The following FARP1 variants were observed in gnomAD, a reference collection of about 807,000 sequenced individuals.
The protein encoded by FARP1 is FERM, ARH/RhoGEF and pleckstrin domain protein 1.
In FARP1, 52 loss-of-function variants were observed where a neutral mutation model predicts 128.8. The ratio of observed to expected loss-of-function variants is 0.40; its 90% CI spans 0.32 to 0.51. FARP1 has a LOEUF of 0.51. FARP1 is among the 20% of genes least tolerant of loss of function. FARP1 has a pLI of 0.45. For missense variants in FARP1, 1,333 were observed against 1,367.9 expected (o/e 0.97, Z 0.40); for synonymous variants, 580 against 551.8 (o/e 1.05, Z -0.72).
At chr13:98,422,984 C>A (rs992046159) in intron 16 of FARP1, among the ~76,000 whole-genome samples, 2 of 152,166 alleles carry the variant, frequency 1.3e-5, no homozygotes, top group African/African-American at 2.4e-5. Context: ...AGGCTGTCTG[C>A]AAGCTGAGGA....
intron 19 of FARP1, 88 bp downstream of exon 19, chr13:98,435,794 C>A: frequency 7.1e-7 from 1 of 1,415,336 alleles, no homozygotes; most frequent in Non-Finnish European, 1.0e-6. Flanking sequence ...TGAAGAGAGA[C>A]CCTTGCAAAG....
At chr13:98,244,584 C>G (rs1437198931) in intron 2 of FARP1, 1 of 1,614,050 alleles carries the variant, frequency 6.2e-7, no homozygotes, top group East Asian at 2.2e-5. Flanking sequence ...CCATTCACAT[C>G]TAATTGAGAA....
chr13:98,189,860 TTTGGGTTGGCTATTCTTG>T, intron 1 of FARP1, among the ~76,000 whole-genome samples: 1 of 152,356 alleles, frequency 6.6e-6, no homozygotes, highest in Non-Finnish European at 1.5e-5. Context: ...ACCAAAGCCT[TTTGGGTTGGCTATTCTTG>T]TTGAAAAACT....
At chr13:98,266,400 A>C (rs1884117372) in intron 2 of FARP1, among the ~76,000 whole-genome samples, 1 of 152,092 alleles carries the variant, frequency 6.6e-6, no homozygotes, top group African/African-American at 2.4e-5. Context: ...CTGCTCTGTA[A>C]AGCAGGATTC....
intron 2 of FARP1, among the ~76,000 whole-genome samples, chr13:98,279,438 T>C (rs1029620793): frequency 2.0e-5 from 3 of 152,220 alleles, no homozygotes; most frequent in African/African-American, 7.2e-5. Flanking sequence ...TCCACACATA[T>C]TACAGTTTTA....
At chr13:98,219,051 G>A (rs1336323041) in intron 2 of FARP1, among the ~76,000 whole-genome samples, 1 of 152,150 alleles carries the variant, frequency 6.6e-6, no homozygotes, top group African/African-American at 2.4e-5. Flanking sequence ...CTTTTGAAAT[G>A]TAACAGTTCT....
intron 1 of FARP1, among the ~76,000 whole-genome samples, chr13:98,209,472 A>AT (rs534634730): frequency 1.4e-3 from 154 of 106,438 alleles, no homozygotes; most frequent in Middle Eastern, 0.011. Context: ...GGGAGGAAAG[A>AT]TTTTTTTTTT....
At chr13:98,447,148 TCATTTAG>T (rs974500206) in intron 26 of FARP1, 2 of 220,684 alleles carry the variant, frequency 9.1e-6, no homozygotes, top group Non-Finnish European at 1.8e-5. Context: ...ACTGCAGACT[TCATTTAG>T]CCAAGAAAGA....
intron 1 of FARP1, among the ~76,000 whole-genome samples, chr13:98,163,543 T>G (rs868399015): frequency 2.5e-5 from 2 of 80,994 alleles, no homozygotes; most frequent in Non-Finnish European, 3.3e-5. Context: ...TTTGTTGGTG[T>G]TTTTTTTTTT....
intron 1 of FARP1, among the ~76,000 whole-genome samples, chr13:98,208,939 C>G (rs1355800393): frequency 6.6e-6 from 1 of 152,192 alleles, no homozygotes; most frequent in Non-Finnish European, 1.5e-5. Context: ...GAAGAAAACT[C>G]TACAAAATGA....
At chr13:98,429,957 G>T (rs1891947338) in intron 17 of FARP1, among the ~76,000 whole-genome samples, 1 of 152,214 alleles carries the variant, frequency 6.6e-6, no homozygotes, top group Non-Finnish European at 1.5e-5. Context: ...CTAGATTTCA[G>T]GCCGGGCGTG....
At chr13:98,275,580 G>C (rs764954666) in intron 2 of FARP1, among the ~76,000 whole-genome samples, 1 of 148,808 alleles carries the variant, frequency 6.7e-6, no homozygotes, top group Admixed American at 6.7e-5. Flanking sequence ...TCCTAACATT[G>C]TTAGAGTTTG....
intron 16 of FARP1, among the ~76,000 whole-genome samples, chr13:98,423,950 C>T (rs940826804): frequency 1.3e-5 from 2 of 152,154 alleles, no homozygotes; most frequent in African/African-American, 4.8e-5. Flanking sequence ...GGACCATGGC[C>T]CTCCCCTCCA....
chr13:98,335,417 A>T (rs182802195), intron 2 of FARP1, among the ~76,000 whole-genome samples: 3 of 152,280 alleles, frequency 2.0e-5, no homozygotes, highest in African/African-American at 7.2e-5. Context: ...TAAAACCATC[A>T]GATCTTGTGA....
chr13:98,220,431 T>G (rs1474621772), intron 2 of FARP1, among the ~76,000 whole-genome samples: 1 of 152,182 alleles, frequency 6.6e-6, no homozygotes, highest in African/African-American at 2.4e-5. Context: ...AGAGGGAACT[T>G]AGCATGTTCA....
chr13:98,430,169 T>G (rs1188947719), intron 17 of FARP1, among the ~76,000 whole-genome samples: 1 of 152,146 alleles, frequency 6.6e-6, no homozygotes, highest in African/African-American at 2.4e-5. Context: ...GGAGGATCCC[T>G]TGAGCCCAGG....
At chr13:98,434,797 C>T (rs1283608180) in intron 18 of FARP1, 2 of 152,036 alleles carry the variant, frequency 1.3e-5, no homozygotes, top group African/African-American at 4.8e-5. Flanking sequence ...GAGTTCGAGA[C>T]CAGCCTAACC....
chr13:98,231,394 G>T (rs1187341565), intron 2 of FARP1, among the ~76,000 whole-genome samples: 1 of 151,830 alleles, frequency 6.6e-6, no homozygotes, highest in Non-Finnish European at 1.5e-5. Context: ...TTTCCATGTA[G>T]ATGCTATGTT....
At chr13:98,183,819 C>T (rs184860287) in intron 1 of FARP1, among the ~76,000 whole-genome samples, 17 of 152,238 alleles carry the variant, frequency 1.1e-4, no homozygotes, top group Non-Finnish European at 2.2e-4. Flanking sequence ...ATTTCTTTTA[C>T]CTTGAGAATG....
Sources: gnomAD v4.1 joint callset for allele counts (sites outside exome capture counted in the v4.1 genomes callset) on GRCh38, gnomAD v4.1.1 for gene constraint, MANE v1.5 for transcripts, NCBI Gene and HGNC (gene_info 2026-07-23, HGNC 2026-07-21) for gene names.